Variants in PCDHGA1 observed in about 807,000 individuals in gnomAD.
PCDHGA1 encodes protocadherin gamma-A1.
In PCDHGA1, 32 loss-of-function variants were observed where a neutral mutation model predicts 58.0. The observed-to-expected ratio is 0.55, with a 90% CI of 0.42 to 0.74. The LOEUF (loss-of-function observed/expected upper bound fraction) is 0.74, where lower values mean the gene tolerates loss of function less well. Ranked by LOEUF, PCDHGA1 falls within the 30% of genes least tolerant of loss-of-function variation. PCDHGA1 has a pLI of 0.00. For synonymous variants in PCDHGA1, 498 were observed against 501.1 expected, an observed-to-expected ratio of 0.99 and a Z score of 0.08; for missense variants, 1,205 against 1,182.3, an observed-to-expected ratio of 1.02 and a Z score of -0.28.
intron 1 of PCDHGA1, chr5:141,408,161 C>T: frequency 2.0e-6 from 3 of 1,517,698 alleles, no homozygotes; most frequent in Non-Finnish European, 2.7e-6. Context: ...TGCACTTTCT[C>T]CAACTGGAAA....
At chr5:141,356,792 T>C (rs1319078295) in intron 1 of PCDHGA1, 11 of 1,613,838 alleles carry the variant, frequency 6.8e-6, no homozygotes, top group African/African-American at 4.0e-5. Context: ...CTGCAGCTGC[T>C]GATGACAGCC....
rs1302007072 is a variant in PCDHGA1 at position 141,331,324 on chromosome 5, G to A, written c.640G>A (p.Ala214Thr). Reference protein sequence around the residue: ...EEAVHHLILTASDGGEPVRSG... With the variant: ...EEAVHHLILTTSDGGEPVRSG... Reference sequence around the variant, plus strand: ...AGCTGTCCACCACCTCATCCTCACAGCTTCTGATGGGGGTGAACCAGTCCG... The same window carrying A: ...AGCTGTCCACCACCTCATCCTCACAACTTCTGATGGGGGTGAACCAGTCCG... Residue 214 changes from alanine (A) to threonine (T), a missense_variant, in exon 1 of 4, where the codon GCT (alanine) becomes ACT (threonine). By Grantham distance (58) the Ala-to-Thr change is moderately conservative (BLOSUM62 0). Transcript: ENST00000517417. 1 of 1,614,160 alleles carries A rather than the reference G, an allele frequency of 6.2e-7. No individual in the cohort carries two copies. The highest frequency in any genetic ancestry group is 1.1e-5 in the South Asian group (1 of 91,080).
chr5:141,478,204 T>C (rs775367944), intron 1 of PCDHGA1: 7 of 1,613,950 alleles, frequency 4.3e-6, no homozygotes, highest in Middle Eastern at 1.6e-4. Context: ...ATCTACTTCT[T>C]TCTCTAATCC....
chr5:141,359,616 T>A (rs1761268936), intron 1 of PCDHGA1, among the ~76,000 whole-genome samples: 2 of 152,006 alleles, frequency 1.3e-5, no homozygotes, highest in South Asian at 2.1e-4. Context: ...GAATATGGTA[T>A]GTTGTATGCT....
intron 1 of PCDHGA1, among the ~76,000 whole-genome samples, chr5:141,447,631 A>G (rs59518107): frequency 0.11 from 16,809 of 152,214 alleles, 1,093 homozygotes; most frequent in African/African-American, 0.17. Flanking sequence ...AACCAACAGT[A>G]TGAATGATGG....
intron 1 of PCDHGA1, chr5:141,356,537 A>T (rs749492777): frequency 1.2e-6 from 2 of 1,614,146 alleles, no homozygotes; most frequent in South Asian, 2.2e-5. Context: ...ATGGACATCA[A>T]TGACAACCCA....
At chr5:141,500,411 G>A (rs376320602) in intron 2 of PCDHGA1, among the ~76,000 whole-genome samples, 4 of 151,592 alleles carry the variant, frequency 2.6e-5, no homozygotes, top group East Asian at 2.0e-4. Context: ...GGGTTTCACC[G>A]TGTTAGCCAG....
At chr5:141,422,166 T>A (rs370704205) in intron 1 of PCDHGA1, 1 of 1,569,256 alleles carries the variant, frequency 6.4e-7, no homozygotes, top group African/African-American at 1.4e-5. Context: ...TTGAAAAATA[T>A]AGATTCTATG....
chr5:141,511,353 A>C lies in PCDHGA1; in HGVS notation c.*180A>C. ...AGTCAGCACCTACCCCTTCCCCCCC[A>C]GGGGGTTGAATATGCAAAAGCAGTT... On this transcript the variant is annotated 3_prime_UTR_variant, in exon 4 of 4. Transcript: ENST00000517417. 7.3e-7 allele frequency: 1 copy of C among 1,371,054 alleles called. No individual in the cohort carries two copies. Among genetic ancestry groups the C allele is most frequent in the Non-Finnish European group, 9.7e-7 (1 of 1,027,740 alleles). The allele number at this position is 1,371,054 out of a possible 1,614,324, so 84.9% of individuals were successfully genotyped here. A position where few individuals can be genotyped will look rare whatever the true frequency, so the allele number is the denominator to read the frequency against.
Position 141,345,365 on chromosome 5 carries a change from C to T in PCDHGA1, c.2421+12260C>T, listed in dbSNP as rs745346928. Reference sequence around the variant, plus strand: ...CTCACATCACCCTGCATGTGATTGACATCAATGACAACCCACCCACCTTCC... The same window carrying T: ...CTCACATCACCCTGCATGTGATTGATATCAATGACAACCCACCCACCTTCC... On this transcript the variant is annotated intron_variant, in intron 1 of 3. Coordinates refer to ENST00000517417, the MANE Select transcript of PCDHGA1 (RefSeq NM_018912.3). 30 of 1,614,048 alleles carry T rather than the reference C, an allele frequency of 1.9e-5. No homozygotes were observed. The South Asian group carries it at 2.7e-4, about 15-fold the overall frequency.
intron 1 of PCDHGA1, chr5:141,355,945 G>A: frequency 1.2e-6 from 2 of 1,613,848 alleles, no homozygotes; most frequent in East Asian, 4.5e-5. Flanking sequence ...CGAGTACCAC[G>A]TAAGTGTTCG....
chr5:141,335,817 GAA>G (rs1255170020), intron 1 of PCDHGA1, among the ~76,000 whole-genome samples: 2 of 151,338 alleles, frequency 1.3e-5, no homozygotes, highest in East Asian at 3.9e-4. Context: ...ATAGAAAAGG[GAA>G]AAAGTTTGGA....
At chr5:141,468,191 G>A (rs1420885521) in intron 1 of PCDHGA1, among the ~76,000 whole-genome samples, 1 of 151,860 alleles carries the variant, frequency 6.6e-6, no homozygotes, top group African/African-American at 2.4e-5. Flanking sequence ...TGGGCATGGT[G>A]GCGGGTGCCT....
intron 1 of PCDHGA1, chr5:141,478,401 T>G: frequency 6.2e-7 from 1 of 1,613,480 alleles, no homozygotes; most frequent in South Asian, 1.1e-5. Context: ...CAGGTGTATC[T>G]CACCACGGAC....
intron 1 of PCDHGA1, chr5:141,375,627 A>AGGAG (rs773199374): frequency 2.9e-5 from 46 of 1,613,948 alleles, no homozygotes; most frequent in Non-Finnish European, 3.6e-5. Flanking sequence ...GGGATTCTGT[A>AGGAG]CGCCCTGCGC....
At chr5:141,400,268 C>T (rs976476082) in intron 1 of PCDHGA1, 3 of 1,613,962 alleles carry the variant, frequency 1.9e-6, no homozygotes, top group East Asian at 4.5e-5. Flanking sequence ...CTGCGACGCT[C>T]CTCCAGCCCT....
intron 1 of PCDHGA1, among the ~76,000 whole-genome samples, chr5:141,483,611 A>G (rs2099583566): frequency 6.6e-6 from 1 of 151,952 alleles, no homozygotes; most frequent in South Asian, 2.1e-4. Context: ...TTACACCTCC[A>G]TCATTCCCAT....
At chr5:141,339,049 C>T in intron 1 of PCDHGA1, 1 of 1,610,214 alleles carries the variant, frequency 6.2e-7, no homozygotes, top group Non-Finnish European at 8.5e-7. Flanking sequence ...TGTGGGAGGC[C>T]AGGGCCGGGC....
At chr5:141,355,483 C>T (rs1759873944) in intron 1 of PCDHGA1, 1 of 1,614,050 alleles carries the variant, frequency 6.2e-7, no homozygotes, top group Non-Finnish European at 8.5e-7. Flanking sequence ...CAGGGAGGAG[C>T]TCTGCGACAG....
Sources: allele counts gnomAD v4.1 joint callset (sites outside exome capture counted in the v4.1 genomes callset), GRCh38; gene constraint gnomAD v4.1.1; transcripts MANE v1.5; gene names NCBI Gene and HGNC (gene_info 2026-07-23, HGNC 2026-07-21).